AHCYL2: variants seen among roughly 807,000 people sequenced by gnomAD.
The protein encoded by AHCYL2 is S-adenosylhomocysteine hydrolase-like protein 2.
Under a neutral mutation model 81.4 loss-of-function variants are expected in AHCYL2, and 28 were observed. The observed-to-expected ratio is 0.34, with a 90% confidence interval of 0.25 to 0.47. The LOEUF is 0.47. Among genes scored for constraint, AHCYL2 ranks in the 20% least tolerant of loss-of-function variants. The probability of loss-of-function intolerance (pLI) is 1.00; values close to 1 mark genes in which losing one functional copy is unlikely to be tolerated. For missense variants in AHCYL2, 551 were observed against 785.1 expected (o/e 0.70, Z 3.56); for synonymous variants, 272 against 290.2 (o/e 0.94, Z 0.64).
intron 1 of AHCYL2, among the ~76,000 whole-genome samples, chr7:129,315,343 C>G (rs1345495969): frequency 2.0e-5 from 3 of 152,152 alleles, no homozygotes; most frequent in African/African-American, 7.2e-5. Flanking sequence ...TGGTTCTTTC[C>G]TAATCCCCTA....
intron 1 of AHCYL2, among the ~76,000 whole-genome samples, chr7:129,286,338 C>T (rs147941244): frequency 3.9e-5 from 6 of 152,146 alleles, no homozygotes; most frequent in East Asian, 1.9e-4. Flanking sequence ...GCAACCTCTG[C>T]CTCCCGGTTT....
chr7:129,389,176 G>A lies in AHCYL2; in HGVS notation c.596G>A (p.Arg199Lys). Residue 199 changes from arginine to lysine, a missense_variant, in exon 3 of 17, where the codon AGA becomes AAA. This residue lies in a region of AHCYL2 where 316 missense variants were observed against 543.1 expected (regional missense o/e 0.58). Coordinates refer to ENST00000325006, the MANE Select transcript of AHCYL2 (RefSeq NM_015328.4). ...ATCAAACAGGCAGAGTTTGGACGAA[G>A]AGAAATTGAAATTGCTGAACAAGGT... ...KNIKQAEFGR[R>K]EIEIAEQEMP... 6.2e-7 allele frequency: 1 copy of A among 1,613,972 alleles called. No individual in the cohort carries two copies. The highest frequency in any genetic ancestry group is 1.1e-5 in the South Asian group (1 of 91,056).
chr7:129,336,041 CTTCTCTTCTT>C (rs1459386564), intron 1 of AHCYL2, among the ~76,000 whole-genome samples: 3 of 141,552 alleles, frequency 2.1e-5, no homozygotes, highest in Non-Finnish European at 3.0e-5. Context: ...TTTCTTTTCT[CTTCTCTTCTT>C]TTCTCTTCTC....
intron 1 of AHCYL2, among the ~76,000 whole-genome samples, chr7:129,269,554 T>G (rs1795932999): frequency 6.6e-6 from 1 of 151,530 alleles, no homozygotes; most frequent in South Asian, 2.1e-4. Context: ...CTCAAAGTGT[T>G]GGGATTATAG....
chr7:129,383,334 T>A (rs774160466), intron 2 of AHCYL2, among the ~76,000 whole-genome samples: 36 of 151,942 alleles, frequency 2.4e-4, no homozygotes, highest in Non-Finnish European at 4.4e-4. Flanking sequence ...TCTGGCTAAT[T>A]TTTTAAAATT....
intron 6 of AHCYL2, among the ~76,000 whole-genome samples, chr7:129,402,859 G>T (rs1796100234): frequency 6.6e-6 from 1 of 152,172 alleles, no homozygotes. Context: ...AGAAGAAAAG[G>T]ATTAAGGAAT....
rs34806455 is a variant in AHCYL2, at chr7:129,403,860, C to CAAAAAAAAAA, written c.1025+397_1025+406dup. ...TGGGTGACAGAGCGAGACTCCATCTCAAAAAAAAAAAAAAAAAAAAAAAAA... is the reference window on the plus strand; with the variant it reads ...TGGGTGACAGAGCGAGACTCCATCTCAAAAAAAAAAAAAAAAAAAAAAAAAAAAAAAAAAA... On this transcript the variant is annotated intron_variant, in intron 7 of 16. Transcript: ENST00000325006. Among the ~76,000 whole-genome samples, 39 of 80,210 alleles carry CAAAAAAAAAA rather than the reference C, an allele frequency of 4.9e-4. 1 individual carries two copies. The highest frequency in any genetic ancestry group is 8.3e-4 in the Non-Finnish European group (31 of 37,494). The allele number at this position is 80,210 out of a possible 152,430, so 52.6% of individuals were successfully genotyped here. A position where few individuals can be genotyped will look rare whatever the true frequency, so the allele number is the denominator to read the frequency against.
intron 1 of AHCYL2, among the ~76,000 whole-genome samples, chr7:129,232,946 TCTG>T (rs1169917958): frequency 2.0e-5 from 3 of 152,228 alleles, no homozygotes; most frequent in East Asian, 3.8e-4. Context: ...AGTGTTGACT[TCTG>T]CTGCTTGTAG....
At chr7:129,363,322 T>A (rs575176772) in intron 1 of AHCYL2, among the ~76,000 whole-genome samples, 18 of 152,322 alleles carry the variant, frequency 1.2e-4, no homozygotes, top group African/African-American at 4.1e-4. Context: ...TAACTAGTAC[T>A]TATACCTATA....
chr7:129,362,828 G>GGTTCCT, intron 1 of AHCYL2, among the ~76,000 whole-genome samples: 1 of 152,026 alleles, frequency 6.6e-6, no homozygotes, highest in Non-Finnish European at 1.5e-5. Context: ...TCCTTGCCCT[G>GGTTCCT]TGCCTTATCT....
chr7:129,387,303 G>A (rs1795246750), intron 2 of AHCYL2, among the ~76,000 whole-genome samples: 1 of 152,178 alleles, frequency 6.6e-6, no homozygotes, highest in Non-Finnish European at 1.5e-5. Context: ...CATAATAGAT[G>A]CATAACTAAA....
At chr7:129,251,590 C>T (rs1474581077) in intron 1 of AHCYL2, among the ~76,000 whole-genome samples, 3 of 152,102 alleles carry the variant, frequency 2.0e-5, no homozygotes, top group Non-Finnish European at 4.4e-5. Flanking sequence ...GCCTCCTTTA[C>T]AGTTTGGTAA....
intron 2 of AHCYL2, among the ~76,000 whole-genome samples, chr7:129,387,764 A>G (rs962621402): frequency 5.9e-5 from 9 of 152,132 alleles, no homozygotes; most frequent in African/African-American, 9.7e-5. Flanking sequence ...GGAACCACAA[A>G]CTTTTTGTAC....
chr7:129,277,036 A>G (rs1191726338), intron 1 of AHCYL2, among the ~76,000 whole-genome samples: 1 of 152,180 alleles, frequency 6.6e-6, no homozygotes, highest in African/African-American at 2.4e-5. Context: ...TCAAGGAGGA[A>G]TACAAACCTG....
At chr7:129,367,961 C>T (rs549948804) in intron 1 of AHCYL2, among the ~76,000 whole-genome samples, 1 of 152,184 alleles carries the variant, frequency 6.6e-6, no homozygotes, top group Non-Finnish European at 1.5e-5. Flanking sequence ...GCCCTAGGAG[C>T]TCTTGATTTC....
At chr7:129,277,834 G>A (rs1366434698) in intron 1 of AHCYL2, among the ~76,000 whole-genome samples, 3 of 152,100 alleles carry the variant, frequency 2.0e-5, no homozygotes, top group Non-Finnish European at 4.4e-5. Flanking sequence ...TGATTTATTC[G>A]TTCACCTGTT....
In AHCYL2 at chr7:129,225,036, A is replaced by T. The variant is rs755547224; in HGVS notation, c.-41A>T. On this transcript the variant is annotated 5_prime_UTR_variant, in exon 1 of 17. Coordinates refer to ENST00000325006, the MANE Select transcript of AHCYL2 (RefSeq NM_015328.4). ...GTGGGAGGCGGGGCCGACCAAGAGC[A>T]GGAGCTGGAGTCTGAGCCGGTGGTT... 53 of 1,560,740 alleles carry T rather than the reference A, an allele frequency of 3.4e-5. No individual in the cohort carries two copies. The South Asian group carries it at 5.2e-4, about 15-fold the overall frequency.
rs147056166 is a variant in AHCYL2, at chr7:129,345,581, T to A, written c.364-34057T>A. Among the ~76,000 whole-genome samples the A allele has an allele frequency of 7.4e-4, 112 of 152,246 alleles. 1 individual carries two copies. Among genetic ancestry groups the A allele is most frequent in the African/African-American group, 2.6e-3 (109 of 41,540 alleles). ...AATAATGAAGAGAGTGAAGGTGTTG[T>A]TGTGGTTGGCTTGCTTTAGTCTAGA... On this transcript the variant is annotated intron_variant, in intron 1 of 16. Transcript: ENST00000325006.
At chr7:129,389,781 C>A (rs1159066689) in intron 4 of AHCYL2, 47 bp downstream of exon 4, 3 of 1,488,084 alleles carry the variant, frequency 2.0e-6, no homozygotes, top group Admixed American at 4.1e-5. Context: ...TTAATAATAG[C>A]CACGAGCTAC....
Sources: gnomAD v4.1 joint callset for allele counts (sites outside exome capture counted in the v4.1 genomes callset) on GRCh38, gnomAD v4.1.1 for gene constraint, gnomAD v4.1.1 regional missense constraint, MANE v1.5 for transcripts, NCBI Gene and HGNC (gene_info 2026-07-23, HGNC 2026-07-21) for gene names.